MTDH: variants seen among roughly 807,000 people sequenced by gnomAD.
MTDH encodes the protein protein LYRIC.
Under a neutral mutation model 72.7 loss-of-function variants are expected in MTDH, and 34 were observed. The ratio of observed to expected loss-of-function variants is 0.47; its 90% CI spans 0.36 to 0.62. The LOEUF is 0.62. Among genes scored for constraint, MTDH ranks in the 20% least tolerant of loss-of-function variants. MTDH has a pLI of 0.00. For missense variants in MTDH, 677 were observed against 699.4 expected, an observed-to-expected ratio of 0.97 and a Z score of 0.36; for synonymous variants, 266 against 268.9, an observed-to-expected ratio of 0.99 and a Z score of 0.10.
At chr8:97,660,256 A>G (rs982410904) in intron 1 of MTDH, among the ~76,000 whole-genome samples, 1 of 152,210 alleles carries the variant, frequency 6.6e-6, no homozygotes, top group African/African-American at 2.4e-5. Context: ...GCTATCCATC[A>G]TTTTATTTTA....
chr8:97,717,630 C>G (rs57793801), intron 9 of MTDH, among the ~76,000 whole-genome samples: 2 of 147,264 alleles, frequency 1.4e-5, no homozygotes, highest in Non-Finnish European at 3.0e-5. Context: ...TATCCCCCCC[C>G]CCCCAAAAAT....
At chr8:97,704,157 T>C (rs1226658099) in intron 7 of MTDH, among the ~76,000 whole-genome samples, 1 of 152,216 alleles carries the variant, frequency 6.6e-6, no homozygotes, top group Non-Finnish European at 1.5e-5. Flanking sequence ...TGTCTCTCCC[T>C]GTCCTCCACT....
At chr8:97,695,711 T>A (rs1046788534) in intron 6 of MTDH, among the ~76,000 whole-genome samples, 12 of 152,200 alleles carry the variant, frequency 7.9e-5, no homozygotes, top group Non-Finnish European at 1.8e-4. Context: ...TTCAGACAGA[T>A]CTATTAGGTA....
intron 2 of MTDH, among the ~76,000 whole-genome samples, chr8:97,669,447 A>T (rs1423900511): frequency 6.6e-6 from 1 of 151,834 alleles, no homozygotes; most frequent in Non-Finnish European, 1.5e-5. Flanking sequence ...TGCGCCTGGC[A>T]CCACAATATA....
At chr8:97,670,879 C>T (rs1812585633) in intron 2 of MTDH, among the ~76,000 whole-genome samples, 1 of 152,100 alleles carries the variant, frequency 6.6e-6, no homozygotes, top group South Asian at 2.1e-4. Context: ...GCCTCAGCCC[C>T]CCGAGTAACT....
intron 2 of MTDH, among the ~76,000 whole-genome samples, chr8:97,665,242 C>T: frequency 6.6e-6 from 1 of 152,052 alleles, no homozygotes. Context: ...TTGAGTAAGC[C>T]TTGTAGATAA....
chr8:97,666,911 G>A (rs1812414268), intron 2 of MTDH, among the ~76,000 whole-genome samples: 1 of 152,134 alleles, frequency 6.6e-6, no homozygotes. Context: ...TGGCCAGGCT[G>A]GTCTTGAACC....
At chr8:97,660,692 CTT>C (rs1812140205) in intron 1 of MTDH, among the ~76,000 whole-genome samples, 1 of 152,038 alleles carries the variant, frequency 6.6e-6, no homozygotes, top group Admixed American at 6.6e-5. Context: ...ATACCTGTCA[CTT>C]TATAGATGTA....
chr8:97,667,734 G>T (rs1318232979), intron 2 of MTDH, among the ~76,000 whole-genome samples: 1 of 150,522 alleles, frequency 6.6e-6, no homozygotes, highest in African/African-American at 2.4e-5. Flanking sequence ...GCTCACACCT[G>T]TAATCCCATC....
At chr8:97,686,911 C>T (rs1286738777) in intron 3 of MTDH, among the ~76,000 whole-genome samples, 159 bp downstream of exon 3, 3 of 152,062 alleles carry the variant, frequency 2.0e-5, no homozygotes, top group African/African-American at 7.2e-5. Flanking sequence ...TGTTAGGAAA[C>T]GCTTTTGTTA....
At chr8:97,697,899 C>A (rs1189921007) in intron 6 of MTDH, among the ~76,000 whole-genome samples, 1 of 152,078 alleles carries the variant, frequency 6.6e-6, no homozygotes, top group Admixed American at 6.6e-5. Context: ...CAGAGAAAGC[C>A]GTGTGGGCTG....
At chr8:97,712,674 C>T (rs1346579348) in intron 8 of MTDH, among the ~76,000 whole-genome samples, 1 of 152,156 alleles carries the variant, frequency 6.6e-6, no homozygotes, top group East Asian at 1.9e-4. Context: ...TTTTCTGTAT[C>T]CTCACCTAAA....
At chr8:97,722,373 A>G (rs1347013688) in intron 10 of MTDH, among the ~76,000 whole-genome samples, 5 of 152,162 alleles carry the variant, frequency 3.3e-5, no homozygotes, top group African/African-American at 1.2e-4. Context: ...AGGCTGAGGC[A>G]GGCGGATCAC....
intron 11 of MTDH, among the ~76,000 whole-genome samples, chr8:97,724,298 AT>A (rs1815272023): frequency 6.6e-6 from 1 of 151,912 alleles, no homozygotes; most frequent in African/African-American, 2.4e-5. Flanking sequence ...TTTAGTATCC[AT>A]TTTACCCATT....
Position 97,724,852 on chromosome 8 carries a change from G to C in MTDH, c.*182G>C. The C allele has an allele frequency of 2.1e-6, 1 of 485,042 alleles. No homozygotes were observed. The highest frequency in any genetic ancestry group is 3.6e-6 in the Non-Finnish European group (1 of 278,100). The allele number at this position is 485,042 out of a possible 1,614,324, so 30.0% of individuals were successfully genotyped here. A position where few individuals can be genotyped will look rare whatever the true frequency, so the allele number is the denominator to read the frequency against. Reference sequence around the variant, plus strand: ...GAAAGTTAATTTATGAAATTAAGAGGTCAGCAGAATATACTCAGTGATGGA... The same window carrying C: ...GAAAGTTAATTTATGAAATTAAGAGCTCAGCAGAATATACTCAGTGATGGA... On this transcript the variant is annotated 3_prime_UTR_variant, in exon 12 of 12. Transcript: ENST00000336273.
chr8:97,707,575 T>C (rs1814416395), intron 8 of MTDH, among the ~76,000 whole-genome samples: 1 of 150,796 alleles, frequency 6.6e-6, no homozygotes, highest in Non-Finnish European at 1.5e-5. Context: ...GCCTGCACAG[T>C]CTTTATTAAA....
chr8:97,644,294 C>G lies in MTDH; in HGVS notation c.-213C>G, dbSNP rs1190423900. 6.8e-6 allele frequency: 4 copies of G among 584,444 alleles called. No individual in the cohort carries two copies. The highest frequency in any genetic ancestry group is 8.3e-5 in the Admixed American group (2 of 24,176). 36.2% of individuals were successfully genotyped at this position (584,444 alleles called of 1,614,324 possible). A position where few individuals can be genotyped will look rare whatever the true frequency, so the allele number is the denominator to read the frequency against. ...CCCTCCCGCCTCCCGGGTCTCCTGG[C>G]GGCGGCGGAGTGAGGCTGACAGCGG... is the stretch of plus-strand genomic sequence containing the variant. On this transcript the variant is annotated 5_prime_UTR_variant, in exon 1 of 12. Transcript: ENST00000336273.
intron 6 of MTDH, among the ~76,000 whole-genome samples, chr8:97,692,783 G>A (rs771097121): frequency 2.1e-4 from 32 of 152,002 alleles, no homozygotes; most frequent in Non-Finnish European, 4.3e-4. Flanking sequence ...AGGCTGGAGT[G>A]CAGTGGCATG....
intron 10 of MTDH, 108 bp from the exon 11 acceptor site, chr8:97,722,771 C>T (rs1815179239): frequency 9.2e-7 from 1 of 1,090,268 alleles, no homozygotes; most frequent in East Asian, 2.5e-5. Flanking sequence ...ATCTGGAAAC[C>T]ATATTAGTAT....
Sources: gnomAD v4.1 joint callset for allele counts (sites outside exome capture counted in the v4.1 genomes callset) on GRCh38, gnomAD v4.1.1 for gene constraint, MANE v1.5 for transcripts, NCBI Gene and HGNC (gene_info 2026-07-23, HGNC 2026-07-21) for gene names.